Variants in APBA1 observed in about 807,000 individuals in gnomAD.
APBA1 encodes amyloid beta precursor protein binding family A member 1.
In APBA1, 55 loss-of-function variants were observed where a neutral mutation model predicts 86.6. That is an observed-to-expected ratio of 0.64 (90% CI 0.51 to 0.80). The LOEUF (loss-of-function observed/expected upper bound fraction) is 0.80. APBA1 is among the 30% of genes least tolerant of loss of function. The pLI, the probability that APBA1 is intolerant of heterozygous loss-of-function variation, is 0.00. For missense variants in APBA1, 1,090 were observed against 1,183.0 expected (o/e 0.92, Z 1.15); for synonymous variants, 511 against 493.9 (o/e 1.03, Z -0.46).
intron 1 of APBA1, among the ~76,000 whole-genome samples, chr9:69,636,964 AAAG>A (rs1823189820): frequency 6.6e-6 from 1 of 151,664 alleles, no homozygotes; most frequent in Non-Finnish European, 1.5e-5. Flanking sequence ...AGAAAGAAAG[AAAG>A]AAAGAAAGAA....
intron 1 of APBA1, among the ~76,000 whole-genome samples, chr9:69,552,556 T>C (rs931250256): frequency 1.3e-5 from 2 of 152,230 alleles, no homozygotes; most frequent in Admixed American, 6.5e-5. Flanking sequence ...GAAATATCAA[T>C]GCATCCAAAG....
chr9:69,631,134 T>C (rs755589019), intron 1 of APBA1, among the ~76,000 whole-genome samples: 20 of 152,222 alleles, frequency 1.3e-4, no homozygotes, highest in Non-Finnish European at 2.6e-4. Context: ...CTGCTGTTAG[T>C]GTCCTCCTGA....
At chr9:69,442,277 T>C (rs1254483340) in intron 10 of APBA1, among the ~76,000 whole-genome samples, 1 of 152,174 alleles carries the variant, frequency 6.6e-6, no homozygotes, top group Admixed American at 6.5e-5. Context: ...GTTTGCATGC[T>C]GGGGTAAACA....
chr9:69,482,987 G>C (rs1282822358), intron 2 of APBA1, among the ~76,000 whole-genome samples: 2 of 104,646 alleles, frequency 1.9e-5, no homozygotes, highest in East Asian at 7.3e-4. Flanking sequence ...GGGGAGGGGG[G>C]AGGGATAGCA....
intron 1 of APBA1, among the ~76,000 whole-genome samples, chr9:69,564,057 C>T (rs1836988405): frequency 6.6e-6 from 1 of 152,082 alleles, no homozygotes; most frequent in South Asian, 2.1e-4. Context: ...GATGCAACTC[C>T]CCAAACTCCA....
intron 1 of APBA1, among the ~76,000 whole-genome samples, chr9:69,575,344 T>A (rs984511621): frequency 2.0e-5 from 3 of 152,104 alleles, no homozygotes; most frequent in Non-Finnish European, 4.4e-5. Context: ...TTCACAGAAT[T>A]GGAAAAAACT....
chr9:69,501,739 G>A (rs1422307871), intron 2 of APBA1, among the ~76,000 whole-genome samples: 3 of 151,862 alleles, frequency 2.0e-5, no homozygotes, highest in Non-Finnish European at 4.4e-5. Flanking sequence ...GAGGCAGGAG[G>A]ATTCCTTGAG....
At chr9:69,494,792 T>A (rs189689131) in intron 2 of APBA1, among the ~76,000 whole-genome samples, 1 of 152,250 alleles carries the variant, frequency 6.6e-6, no homozygotes, top group African/African-American at 2.4e-5. Flanking sequence ...CACAAGGAGA[T>A]TTGCTGTAAT....
chr9:69,446,800 T>C (rs2133802440), intron 10 of APBA1, among the ~76,000 whole-genome samples: 1 of 152,302 alleles, frequency 6.6e-6, no homozygotes, highest in Non-Finnish European at 1.5e-5. Context: ...TTGTGGGCTG[T>C]CCTGAGGAGG....
chr9:69,591,035 G>C (rs1488327576), intron 1 of APBA1, among the ~76,000 whole-genome samples: 2 of 152,170 alleles, frequency 1.3e-5, no homozygotes. Flanking sequence ...CCGTACCATG[G>C]TCCCAAACTG....
At chr9:69,451,086 C>T (rs748759209) in intron 9 of APBA1, among the ~76,000 whole-genome samples, 38 of 152,194 alleles carry the variant, frequency 2.5e-4, no homozygotes, top group Non-Finnish European at 4.9e-4. Context: ...TCATATACCC[C>T]CTGTCCAGCC....
chr9:69,536,504 G>A (rs1287304937), intron 1 of APBA1, among the ~76,000 whole-genome samples: 6 of 151,208 alleles, frequency 4.0e-5, no homozygotes, highest in East Asian at 3.9e-4. Context: ...TTTCTATAGC[G>A]GTAAAATATA....
chr9:69,432,550 T>C lies in APBA1; in HGVS notation c.2428A>G (p.Asn810Asp). ...ACCTCTCCTACCTCCCCAACAGCAT[T>C]GGAGAGAATGTGGACGATCTTCTCG... is the stretch of plus-strand genomic sequence containing the variant. ...PHEKIVHILS[N>D]AVGEIHMKTM... The change falls in exon 12 of 13, where the codon AAT (asparagine) becomes GAT (aspartate). Residue 810 changes from asparagine to aspartate, a missense_variant. Around this residue, in one of 6 missense-constraint regions of APBA1, gnomAD observed 119 missense variants for 124.8 expected, o/e 0.95. Transcript: ENST00000265381. 2 of 1,576,802 alleles carry C rather than the reference T, an allele frequency of 1.3e-6. No homozygotes were observed. Among genetic ancestry groups the C allele is most frequent in the Non-Finnish European group, 1.7e-6 (2 of 1,162,312 alleles).
intron 10 of APBA1, 66 bp downstream of exon 10, chr9:69,449,518 A>G: frequency 7.2e-7 from 1 of 1,397,966 alleles, no homozygotes; most frequent in Non-Finnish European, 1.0e-6. Flanking sequence ...TAATGACTGG[A>G]TGGGGGTCAC....
intron 1 of APBA1, 127 bp from the exon 2 acceptor site, chr9:69,517,406 G>A (rs1836185736): frequency 2.1e-6 from 2 of 945,870 alleles, no homozygotes; most frequent in Middle Eastern, 3.4e-4. Context: ...AAAAAAGACT[G>A]CAAATTTAAG....
At chr9:69,560,939 A>G (rs1363775416) in intron 1 of APBA1, among the ~76,000 whole-genome samples, 1 of 152,216 alleles carries the variant, frequency 6.6e-6, no homozygotes, top group Non-Finnish European at 1.5e-5. Context: ...CTACCTAGGG[A>G]TCAGATTTAT....
chr9:69,561,213 T>C (rs1325203581), intron 1 of APBA1, among the ~76,000 whole-genome samples: 1 of 152,186 alleles, frequency 6.6e-6, no homozygotes, highest in Non-Finnish European at 1.5e-5. Flanking sequence ...CGTAAATCAA[T>C]GCATGTGCTT....
At chr9:69,645,954 T>G (rs1306562865) in intron 1 of APBA1, among the ~76,000 whole-genome samples, 1 of 152,236 alleles carries the variant, frequency 6.6e-6, no homozygotes, top group African/African-American at 2.4e-5. Flanking sequence ...GTCTAAGAAC[T>G]CTGACTGATA....
Position 69,587,798 on chromosome 9 carries a change from C to A in APBA1, c.-69-70519G>T, listed in dbSNP as rs532338768. ...CCAGCACTTTGGGAGGCTGAGGTAG[C>A]CGGATCATTTGAGGTCAGAAGTTTG... is the stretch of plus-strand genomic sequence containing the variant. On this transcript the variant is annotated intron_variant, in intron 1 of 12. Coordinates refer to ENST00000265381, the MANE Select transcript of APBA1 (RefSeq NM_001163.4). 4.6e-5 allele frequency among the ~76,000 whole-genome samples: 7 copies of A among 151,964 alleles called. No individual in the cohort carries two copies. In the South Asian group the frequency reaches 1.5e-3, roughly 32 times the overall value.
Sources: gnomAD v4.1 joint callset for allele counts (sites outside exome capture counted in the v4.1 genomes callset) on GRCh38, gnomAD v4.1.1 for gene constraint, gnomAD v4.1.1 regional missense constraint, MANE v1.5 for transcripts, NCBI Gene and HGNC (gene_info 2026-07-23, HGNC 2026-07-21) for gene names.